The following AGBL1 variants were observed in gnomAD, a reference collection of about 807,000 sequenced individuals.
AGBL1 encodes cytosolic carboxypeptidase 4.
A neutral mutation model predicts 118.9 loss-of-function variants in AGBL1; 130 were observed. The ratio of observed to expected loss-of-function variants is 1.09; its 90% confidence interval spans 0.95 to 1.26. The LOEUF (loss-of-function observed/expected upper bound fraction) is 1.26, where lower values mean the gene tolerates loss of function less well. Among genes scored for constraint, AGBL1 ranks in the 50% most tolerant of loss-of-function variants. The pLI, the probability that AGBL1 is intolerant of heterozygous loss-of-function variation, is 0.00. For synonymous variants in AGBL1, 555 were observed against 478.9 expected (o/e 1.16, Z -2.08); for missense variants, 1,584 against 1,298.1 (o/e 1.22, Z -3.38).
chr15:86,938,114 CAG>C (rs1226454026), intron 23 of AGBL1, among the ~76,000 whole-genome samples: 1 of 152,168 alleles, frequency 6.6e-6, no homozygotes, highest in Non-Finnish European at 1.5e-5. Flanking sequence ...CATGATTGTG[CAG>C]AGACACTTCT....
At chr15:86,467,273 G>T (rs1200996481) in intron 18 of AGBL1, among the ~76,000 whole-genome samples, 1 of 152,194 alleles carries the variant, frequency 6.6e-6, no homozygotes, top group African/African-American at 2.4e-5. Flanking sequence ...TTTACACTGT[G>T]AGGGGAAAAC....
intron 22 of AGBL1, among the ~76,000 whole-genome samples, chr15:86,689,787 A>C (rs892181748): frequency 4.6e-5 from 7 of 152,170 alleles, no homozygotes; most frequent in African/African-American, 1.7e-4. Flanking sequence ...GATATTTAAA[A>C]AAATCTTTAC....
intron 22 of AGBL1, among the ~76,000 whole-genome samples, chr15:86,728,910 C>T (rs2077492623): frequency 6.6e-6 from 1 of 152,142 alleles, no homozygotes; most frequent in African/African-American, 2.4e-5. Flanking sequence ...CTTGTGAAGC[C>T]ATTCACATGG....
chr15:86,836,615 A>G (rs1038757239), intron 22 of AGBL1, among the ~76,000 whole-genome samples: 12 of 152,086 alleles, frequency 7.9e-5, no homozygotes, highest in Non-Finnish European at 1.6e-4. Flanking sequence ...TCCCCTTTGC[A>G]TTAGTAATAA....
intron 17 of AGBL1, among the ~76,000 whole-genome samples, chr15:86,370,301 C>CTTTTTTTTTT (rs5814238): frequency 2.3e-5 from 3 of 131,034 alleles, no homozygotes; most frequent in Non-Finnish European, 3.2e-5. Flanking sequence ...GTCTCTATTC[C>CTTTTTTTTTT]TTTTTTTTTT....
At chr15:86,849,522 T>C (rs1023587148) in intron 22 of AGBL1, among the ~76,000 whole-genome samples, 15 of 151,008 alleles carry the variant, frequency 9.9e-5, no homozygotes, top group African/African-American at 3.4e-4. Flanking sequence ...TCTTTCTTTT[T>C]TTTTTTTTTT....
At chr15:86,329,444 G>T (rs2080237386) in intron 17 of AGBL1, among the ~76,000 whole-genome samples, 1 of 152,076 alleles carries the variant, frequency 6.6e-6, no homozygotes, top group Admixed American at 6.5e-5. Flanking sequence ...GGCCCTCTCT[G>T]TTCCACATGT....
chr15:87,006,933 T>A (rs2081511141), intron 24 of AGBL1, among the ~76,000 whole-genome samples: 1 of 152,124 alleles, frequency 6.6e-6, no homozygotes, highest in African/African-American at 2.4e-5. Flanking sequence ...GACAGGGGGT[T>A]GAGCTTTAAG....
downstream of AGBL1, among the ~76,000 whole-genome samples, chr15:86,917,462 A>G (rs1485763711): frequency 6.6e-6 from 1 of 152,288 alleles, no homozygotes; most frequent in Middle Eastern, 3.4e-3. This position sits in a 1 kb window ranked among gnomAD's most constrained non-coding sequence, Gnocchi z 4.8. Flanking sequence ...AGGGAAAGGG[A>G]GCTCATTATT....
intron 21 of AGBL1, among the ~76,000 whole-genome samples, chr15:86,572,012 AG>A (rs1228595237): frequency 6.6e-6 from 1 of 152,102 alleles, no homozygotes; most frequent in Non-Finnish European, 1.5e-5. Context: ...CAAAGTCCTG[AG>A]GGGGCCAAGC....
At chr15:86,694,551 T>C (rs2086223418) in intron 22 of AGBL1, among the ~76,000 whole-genome samples, 1 of 152,030 alleles carries the variant, frequency 6.6e-6, no homozygotes, top group Non-Finnish European at 1.5e-5. Flanking sequence ...ACAGCAATAG[T>C]TTGACTTTTT....
intron 4 of AGBL1, among the ~76,000 whole-genome samples, chr15:86,155,356 A>C (rs979257585): frequency 6.6e-6 from 1 of 152,110 alleles, no homozygotes; most frequent in South Asian, 2.1e-4. Context: ...AGGCTGAGGA[A>C]GGAGAATCAC....
At position 86,256,980 on chromosome 15, in the gene AGBL1, G is replaced by A. The variant is rs2078906663; in HGVS notation, c.863G>A (p.Gly288Glu). 7.4e-6 allele frequency: 12 copies of A among 1,613,718 alleles called. No individual in the cohort carries two copies. The highest frequency in any genetic ancestry group is 1.6e-4 in the Middle Eastern group (1 of 6,084). ...ASSAYAFPVP[G>E]CITTEPPHDL... Reference sequence around the variant, plus strand: ...AGTGCCTATGCCTTCCCGGTCCCCGGGTGCATCACCACTGAACCTCCACAT... The same window carrying A: ...AGTGCCTATGCCTTCCCGGTCCCCGAGTGCATCACCACTGAACCTCCACAT... The change falls in exon 8 of 23, where the codon GGG (glycine) becomes GAG (glutamate). Residue 288 changes from glycine (G) to glutamate (E), a missense_variant. Coordinates refer to ENST00000614907, the MANE Select transcript of AGBL1 (RefSeq NM_001386094.1).
chr15:86,516,835 T>C (rs1567035528), intron 18 of AGBL1, among the ~76,000 whole-genome samples: 1 of 151,760 alleles, frequency 6.6e-6, no homozygotes, highest in Non-Finnish European at 1.5e-5. Context: ...TGATCACGTG[T>C]TCTTGATTGA....
chr15:86,339,394 G>C (rs1393701122), intron 17 of AGBL1, among the ~76,000 whole-genome samples: 2 of 152,068 alleles, frequency 1.3e-5, no homozygotes, highest in African/African-American at 2.4e-5. Context: ...CGCGAAATTT[G>C]GCAAGTTTTA....
rs180964938 is a variant in AGBL1, at chr15:86,380,576, C to T, written c.2375-16790C>T. ...CTTCCTCCGTCCCTTTCCCCTCCCTCACTCCCTCCCTATGGCATATTCATC... is the reference window on the plus strand; with the variant it reads ...CTTCCTCCGTCCCTTTCCCCTCCCTTACTCCCTCCCTATGGCATATTCATC... On this transcript the variant is annotated intron_variant, in intron 17 of 22. Transcript: ENST00000614907. Among the ~76,000 whole-genome samples, 384 of 144,050 alleles carry T rather than the reference C, an allele frequency of 2.7e-3. 1 individual carries two copies. Among genetic ancestry groups the T allele is most frequent in the Non-Finnish European group, 3.9e-3 (261 of 67,096 alleles). The allele number at this position is 144,050 out of a possible 152,430, so 94.5% of individuals were successfully genotyped here.
chr15:86,875,866 C>T (rs1352083608), intron 22 of AGBL1, among the ~76,000 whole-genome samples: 2 of 152,076 alleles, frequency 1.3e-5, no homozygotes, highest in African/African-American at 4.8e-5. Context: ...GCTGAGATAC[C>T]ACCTCACCTC....
chr15:86,735,046 T>C (rs1216126139), intron 22 of AGBL1, among the ~76,000 whole-genome samples: 1 of 149,578 alleles, frequency 6.7e-6, no homozygotes, highest in African/African-American at 2.5e-5. Flanking sequence ...CAGTGTGAAA[T>C]AAAGATGTTG....
At chr15:86,797,023 C>A (rs955028299) in intron 22 of AGBL1, among the ~76,000 whole-genome samples, 2 of 152,184 alleles carry the variant, frequency 1.3e-5, no homozygotes, top group Non-Finnish European at 2.9e-5. Flanking sequence ...CAAATTTTAA[C>A]AACTATCTGG....
Sources: gnomAD v4.1 joint callset for allele counts (sites outside exome capture counted in the v4.1 genomes callset) on GRCh38, gnomAD v4.1.1 for gene constraint, Gnocchi (gnomAD v3.1) non-coding constraint, MANE v1.5 for transcripts, NCBI Gene and HGNC (gene_info 2026-07-23, HGNC 2026-07-21) for gene names.